Variants in ITGA8 observed in about 807,000 individuals in gnomAD.
The protein encoded by ITGA8 is integrin alpha-8.
Under a neutral mutation model 142.3 loss-of-function variants are expected in ITGA8, and 91 were observed. The observed-to-expected ratio is 0.64, with a 90% CI of 0.54 to 0.76. The LOEUF is 0.76. Among genes scored for constraint, ITGA8 ranks in the 30% least tolerant of loss-of-function variants. The pLI is 0.00. For missense variants in ITGA8, 1,406 were observed against 1,327.7 expected, an observed-to-expected ratio of 1.06 and a Z score of -0.92; for synonymous variants, 505 against 485.2, an observed-to-expected ratio of 1.04 and a Z score of -0.54.
At chr10:15,601,685 T>C (rs1003798134) in intron 20 of ITGA8, among the ~76,000 whole-genome samples, 1 of 152,200 alleles carries the variant, frequency 6.6e-6, no homozygotes, top group African/African-American at 2.4e-5. Context: ...AAAGGAAATA[T>C]AAAGGCTGGC....
rs1833282397 is a variant in ITGA8, at chr10:15,531,113, G to A, written c.2919C>T (p.Ser973=). ...TATAAGGCATCTTCTTAACTTCAAA[G>A]GACACCAGGGATGCAAGAGCATAGG... is the stretch of plus-strand genomic sequence containing the variant. ...NDPYALASLV[S]FEVKKMPYTD... The change falls in exon 28 of 30, where the codon TCC becomes TCT. Residue 973 remains serine, a synonymous_variant. Coordinates refer to ENST00000378076, the MANE Select transcript of ITGA8 (RefSeq NM_003638.3). The A allele has an allele frequency of 3.2e-6, 5 of 1,572,178 alleles. No homozygotes were observed. Among genetic ancestry groups the A allele is most frequent in the Non-Finnish European group, 4.3e-6 (5 of 1,163,758 alleles).
At chr10:15,645,053 C>A (rs767537600) in intron 12 of ITGA8, among the ~76,000 whole-genome samples, 2 of 133,632 alleles carry the variant, frequency 1.5e-5, no homozygotes, top group South Asian at 2.6e-4. Context: ...GAGTTGAGAT[C>A]GTGCCACTGC....
chr10:15,719,569 G>A lies in ITGA8; in HGVS notation c.203C>T (p.Ala68Val), dbSNP rs936609044. Residue 68 changes from alanine (A) to valine (V), a missense_variant, in exon 1 of 30, where the codon GCC becomes GTC. By Grantham distance (64) the Ala-to-Val change is moderately conservative. Transcript: ENST00000378076. ...CCCGGGTCGGGCGACTTACGTGCGG[G>A]CGTCGGGTATGTGGAAGTCCACGGC... ...GYAVDFHIPD[A>V]RTASVLVGAP... The A allele has an allele frequency of 2.6e-6, 4 of 1,564,670 alleles. No homozygotes were observed. The highest frequency in any genetic ancestry group is 2.6e-6 in the Non-Finnish European group (3 of 1,162,884).
At position 15,607,777 on chromosome 10, in the gene ITGA8, C is replaced by T. The variant is rs140395954; in HGVS notation, c.1664G>A (p.Arg555Gln). ...DSLKQKGAIK[R>Q]TLFLDNHQAH... ...CTGATGGTTATCAAGGAAGAGCGTC[C>T]GTTTAATAGCTCCTTTCTGTTTCAG... is the stretch of plus-strand genomic sequence containing the variant. Residue 555 changes from arginine to glutamine, a missense_variant, in exon 17 of 30, where the codon CGG becomes CAG. Arg to Gln is a conservative substitution (Grantham distance 43). Coordinates refer to ENST00000378076, the MANE Select transcript of ITGA8 (RefSeq NM_003638.3). 60 of 1,610,972 alleles carry T rather than the reference C, an allele frequency of 3.7e-5. No individual in the cohort carries two copies. In the Middle Eastern group the frequency reaches 5.0e-4, roughly 13 times the overall value.
intron 27 of ITGA8, among the ~76,000 whole-genome samples, chr10:15,536,116 G>C (rs1833430280): frequency 1.3e-5 from 2 of 152,092 alleles, no homozygotes; most frequent in Admixed American, 1.3e-4. Context: ...TTTAAGAACT[G>C]TAACACTCAT....
chr10:15,563,826 A>G (rs1252497876), intron 25 of ITGA8, among the ~76,000 whole-genome samples: 1 of 152,018 alleles, frequency 6.6e-6, no homozygotes, highest in African/African-American at 2.4e-5. Context: ...CTGAGGCAGG[A>G]GAGGTGCTTG....
intron 13 of ITGA8, among the ~76,000 whole-genome samples, chr10:15,637,963 C>T (rs182011046): frequency 3.0e-4 from 46 of 152,056 alleles, no homozygotes; most frequent in East Asian, 2.5e-3. Context: ...AGAGATTCCA[C>T]GATAATATTC....
chr10:15,636,791 C>T (rs995637205), intron 13 of ITGA8, among the ~76,000 whole-genome samples: 1 of 152,138 alleles, frequency 6.6e-6, no homozygotes, highest in East Asian at 1.9e-4. Flanking sequence ...TTTTAAATGG[C>T]TAAGGGGCAG....
intron 13 of ITGA8, among the ~76,000 whole-genome samples, chr10:15,627,167 C>T (rs1321009349): frequency 6.6e-6 from 1 of 152,196 alleles, no homozygotes; most frequent in African/African-American, 2.4e-5. Flanking sequence ...ATTACAAACA[C>T]AGGCCAGGAT....
intron 24 of ITGA8, among the ~76,000 whole-genome samples, chr10:15,574,603 A>T (rs1381818057): frequency 6.6e-6 from 1 of 151,932 alleles, no homozygotes; most frequent in Non-Finnish European, 1.5e-5. Flanking sequence ...GTTGGCCAGG[A>T]TGGTCTTGAT....
At chr10:15,609,514 C>T (rs1833254908) in intron 15 of ITGA8, among the ~76,000 whole-genome samples, 1 of 152,134 alleles carries the variant, frequency 6.6e-6, no homozygotes, top group Non-Finnish European at 1.5e-5. Flanking sequence ...AATAATTTGC[C>T]ACATACCATT....
chr10:15,615,145 T>C (rs1220050267), intron 14 of ITGA8, among the ~76,000 whole-genome samples: 1 of 152,094 alleles, frequency 6.6e-6, no homozygotes. Context: ...AACAAGGCCT[T>C]GGCATGAAAG....
At chr10:15,540,064 G>A (rs1833538731) in intron 27 of ITGA8, among the ~76,000 whole-genome samples, 1 of 152,164 alleles carries the variant, frequency 6.6e-6, no homozygotes, top group African/African-American at 2.4e-5. Context: ...ATGTGGAACT[G>A]TGAGTCAATT....
chr10:15,710,343 G>T (rs889928931), intron 2 of ITGA8, among the ~76,000 whole-genome samples: 9 of 152,018 alleles, frequency 5.9e-5, no homozygotes, highest in African/African-American at 2.2e-4. Context: ...TTAATTGTGT[G>T]CTTTTATGCC....
chr10:15,719,460 A>T, intron 1 of ITGA8, 103 bp downstream of exon 1: 1 of 1,059,206 alleles, frequency 9.4e-7, no homozygotes, highest in East Asian at 3.1e-5. Flanking sequence ...AGGCGGCAGG[A>T]CGGGGATCCC....
At chr10:15,671,794 GA>G in intron 7 of ITGA8, 147 bp from the exon 8 acceptor site, 1 of 467,376 alleles carries the variant, frequency 2.1e-6, no homozygotes, top group South Asian at 2.5e-5. Context: ...TCTATAAAGG[GA>G]AAAATTAATC....
In ITGA8 at chr10:15,525,645, C is replaced by CAAAAAA. The variant is rs374326483; in HGVS notation, c.2982+5399_2982+5404dup. ...GGGTGACAGGAGCGAAACTCCATCT[C>CAAAAAA]AAAAAAAAAAAAAAAAAAAAAAAGG... On this transcript the variant is annotated intron_variant, in intron 28 of 29. Coordinates refer to ENST00000378076, the MANE Select transcript of ITGA8 (RefSeq NM_003638.3). Among the ~76,000 whole-genome samples the CAAAAAA allele has an allele frequency of 1.1e-4, 7 of 63,764 alleles. 1 individual carries two copies. Among genetic ancestry groups the CAAAAAA allele is most frequent in the East Asian group, 5.6e-4 (1 of 1,790 alleles). 41.8% of individuals were successfully genotyped at this position (63,764 alleles called of 152,430 possible).
In ITGA8 at chr10:15,655,397, A is replaced by C. The variant is rs1285617897; in HGVS notation, c.958T>G (p.Tyr320Asp). The C allele has an allele frequency of 2.5e-6, 4 of 1,611,090 alleles. No individual in the cohort carries two copies. Among genetic ancestry groups the C allele is most frequent in the African/African-American group, 1.3e-5 (1 of 74,986 alleles). The change falls in exon 11 of 30, where the codon TAT (tyrosine) becomes GAT (aspartate). Residue 320 changes from tyrosine to aspartate, a missense_variant. Transcript: ENST00000378076. ...GATACGACAACGGTATATCCAAAAT[A>C]AGATGCCATCTGCAAAGGAAAATCA... ...QNFTGEQMAS[Y>D]FGYTVVVSDV...
chr10:15,709,390 A>G lies in ITGA8; in HGVS notation c.343+9376T>C, dbSNP rs528219157. On this transcript the variant is annotated intron_variant, in intron 2 of 29. Coordinates refer to ENST00000378076, the MANE Select transcript of ITGA8 (RefSeq NM_003638.3). ...AGAACATTTATAAACCTTACTTGGG[A>G]CTAAGTAGAATGGCGCACCCCAGAA... Among the ~76,000 whole-genome samples, 50 of 152,342 alleles carry G rather than the reference A, an allele frequency of 3.3e-4. 2 individuals carry two copies. In the South Asian group the frequency reaches 9.7e-3, roughly 30 times the overall value.
Sources: gnomAD v4.1 joint callset for allele counts (sites outside exome capture counted in the v4.1 genomes callset) on GRCh38, gnomAD v4.1.1 for gene constraint, MANE v1.5 for transcripts, NCBI Gene and HGNC (gene_info 2026-07-23, HGNC 2026-07-21) for gene names.